The following RBM20 variants were observed in gnomAD, a reference collection of about 807,000 sequenced individuals.
RBM20 encodes RNA binding motif protein 20.
RBM20 carries 51 observed loss-of-function variants against 110.1 expected under a neutral mutation model. The ratio of observed to expected loss-of-function variants is 0.46; its 90% CI spans 0.37 to 0.59. RBM20 has a LOEUF of 0.59. Ranked by LOEUF, RBM20 falls within the 20% of genes least tolerant of loss-of-function variation. RBM20 has a pLI of 0.00. For missense variants in RBM20, 1,512 were observed against 1,574.9 expected, an observed-to-expected ratio of 0.96 and a Z score of 0.68; for synonymous variants, 589 against 618.2, an observed-to-expected ratio of 0.95 and a Z score of 0.70.
At chr10:110,746,140 A>G (rs1843777366) in intron 1 of RBM20, among the ~76,000 whole-genome samples, 1 of 152,170 alleles carries the variant, frequency 6.6e-6, no homozygotes, top group African/African-American at 2.4e-5. Context: ...TTCTCTCTCC[A>G]CTAGAATCTC....
intron 1 of RBM20, among the ~76,000 whole-genome samples, chr10:110,770,079 C>G (rs1431363662): frequency 6.6e-6 from 1 of 152,168 alleles, no homozygotes; most frequent in Non-Finnish European, 1.5e-5. Flanking sequence ...TACAGCGGTT[C>G]TCAAGGTGCA....
intron 1 of RBM20, among the ~76,000 whole-genome samples, chr10:110,740,879 G>T (rs1843718140): frequency 6.6e-6 from 1 of 152,170 alleles, no homozygotes; most frequent in Admixed American, 6.5e-5. Flanking sequence ...GGATCCAGAT[G>T]CTGGATCTCC....
intron 5 of RBM20, among the ~76,000 whole-genome samples, chr10:110,786,503 T>C (rs1844420705): frequency 6.6e-6 from 1 of 152,038 alleles, no homozygotes; most frequent in Non-Finnish European, 1.5e-5. Context: ...TGTTGATCTG[T>C]GATGTTGAAT....
rs534507580 is a variant in RBM20 at position 110,689,269 on chromosome 10, G to A, written c.191+44624G>A. Among the ~76,000 whole-genome samples, 4 of 152,360 alleles carry A rather than the reference G, an allele frequency of 2.6e-5. No individual in the cohort carries two copies. In the South Asian group the frequency reaches 8.3e-4, roughly 32 times the overall value. The stretch of plus-strand genomic sequence containing the variant: ...ACGTGCTGACTGGGGCCTCCCATGA[G>A]TCAGGCTCTGCTGGAGGCCTGGGGA... On this transcript the variant is annotated intron_variant, in intron 1 of 13. Transcript: ENST00000369519.
At position 110,737,034 on chromosome 10, in the gene RBM20, G is replaced by A. The variant is rs183042353; in HGVS notation, c.192-43767G>A. 1.8e-3 allele frequency among the ~76,000 whole-genome samples: 275 copies of A among 151,704 alleles called. 1 individual carries two copies. Among genetic ancestry groups the A allele is most frequent in the African/African-American group, 6.0e-3 (249 of 41,348 alleles). On this transcript the variant is annotated intron_variant, in intron 1 of 13. Coordinates refer to ENST00000369519, the MANE Select transcript of RBM20 (RefSeq NM_001134363.3). ...TACTAAAAATACAAAAAAATTAGCC[G>A]GGCATGGTGTTGCGCGCCTGTAATC...
chr10:110,784,498 C>A, intron 4 of RBM20, 66 bp downstream of exon 4: 2 of 1,182,704 alleles, frequency 1.7e-6, no homozygotes, highest in Admixed American at 2.0e-5. Context: ...ACATTATGTC[C>A]TGTCTTTAAT....
chr10:110,814,976 A>T (rs1292605725), intron 9 of RBM20, among the ~76,000 whole-genome samples: 1 of 152,234 alleles, frequency 6.6e-6, no homozygotes, highest in Non-Finnish European at 1.5e-5. Context: ...TATTCAACTC[A>T]TTAATTAATG....
chr10:110,689,772 T>C (rs909657114), intron 1 of RBM20, among the ~76,000 whole-genome samples: 2 of 152,202 alleles, frequency 1.3e-5, no homozygotes, highest in Non-Finnish European at 2.9e-5. Flanking sequence ...ATAAAGCCTT[T>C]TACAAGTCTA....
intron 5 of RBM20, among the ~76,000 whole-genome samples, chr10:110,790,306 G>T (rs1241291151): frequency 6.6e-6 from 1 of 152,282 alleles, no homozygotes; most frequent in South Asian, 2.1e-4. Flanking sequence ...ACTACCAGCC[G>T]CCTCCCCACC....
rs878854248 is a variant in RBM20, at chr10:110,644,588, C to CGCCGCCGCCCCA, written c.138_149dup (p.Gln49_Pro52dup). 2 of 1,524,332 alleles carry CGCCGCCGCCCCA rather than the reference C, an allele frequency of 1.3e-6. No individual in the cohort carries two copies. The highest frequency in any genetic ancestry group is 2.0e-5 in the Admixed American group (1 of 49,150). 94.4% of individuals were successfully genotyped at this position (1,524,332 alleles called of 1,614,324 possible). ...GGCCCGCGAGGGATGCAGCAGCCGCCGCCGCCGCCCCAGCCACCGCCCCCG... is the reference window on the plus strand; with the variant it reads ...GGCCCGCGAGGGATGCAGCAGCCGCCGCCGCCGCCCCAGCCGCCGCCCCAGCCACCGCCCCCG... On this transcript the variant is annotated inframe_insertion, in exon 1 of 14. Transcript: ENST00000369519. This position sits in a 1 kb window ranked among gnomAD's most constrained non-coding sequence, Gnocchi z 4.3.
At chr10:110,657,759 A>G (rs1434846372) in intron 1 of RBM20, among the ~76,000 whole-genome samples, 2 of 152,214 alleles carry the variant, frequency 1.3e-5, no homozygotes, top group East Asian at 3.8e-4. Context: ...GGTTTTGGCT[A>G]TTACAAATGA....
intron 11 of RBM20, 45 bp from the exon 12 acceptor site, chr10:110,823,435 T>C (rs776511628): frequency 6.0e-5 from 1 of 16,690 alleles, no homozygotes; most frequent in African/African-American, 1.9e-4. Flanking sequence ...GTATTTCTTT[T>C]TTTTTTTTTT....
At chr10:110,748,696 G>A (rs569771770) in intron 1 of RBM20, among the ~76,000 whole-genome samples, 10 of 150,592 alleles carry the variant, frequency 6.6e-5, no homozygotes, top group Admixed American at 2.0e-4. Context: ...TCTCTCTCTC[G>A]CTCTCTGTGT....
chr10:110,736,908 C>T (rs1843676415), intron 1 of RBM20, among the ~76,000 whole-genome samples: 1 of 152,016 alleles, frequency 6.6e-6, no homozygotes, highest in Non-Finnish European at 1.5e-5. Flanking sequence ...GGCGCAGTGG[C>T]TCACAGCTGT....
At chr10:110,696,493 A>G (rs1862665918) in intron 1 of RBM20, among the ~76,000 whole-genome samples, 1 of 152,220 alleles carries the variant, frequency 6.6e-6, no homozygotes, top group South Asian at 2.1e-4. Flanking sequence ...CCTGCACCAC[A>G]GTGAGCAGTG....
chr10:110,667,706 C>G lies in RBM20; in HGVS notation c.191+23061C>G, dbSNP rs533632421. 4.2e-4 allele frequency among the ~76,000 whole-genome samples: 64 copies of G among 152,270 alleles called. No homozygotes were observed. In the South Asian group the frequency reaches 0.013, roughly 30 times the overall value. The stretch of plus-strand genomic sequence containing the variant: ...CTGGCAGTGTCGATCTTTTCATTAG[C>G]CCTTTAAGAATGACTGGCAAATGCA... On this transcript the variant is annotated intron_variant, in intron 1 of 13. Coordinates refer to ENST00000369519, the MANE Select transcript of RBM20 (RefSeq NM_001134363.3).
chr10:110,835,601 C>T (rs1287061694), intron 13 of RBM20: 1 of 227,902 alleles, frequency 4.4e-6, no homozygotes, highest in Non-Finnish European at 8.6e-6. Flanking sequence ...CTCCCAAGTG[C>T]TGGGATTACA....
chr10:110,771,558 A>G (rs916741833), intron 1 of RBM20, among the ~76,000 whole-genome samples: 1 of 152,252 alleles, frequency 6.6e-6, no homozygotes, highest in African/African-American at 2.4e-5. Context: ...CAAGTGCTTC[A>G]GTAGACAATT....
At chr10:110,737,191 A>AAAAAAAAAAAAAAAAAAAAAAAAAAAAAC (rs1564830214) in intron 1 of RBM20, among the ~76,000 whole-genome samples, 1 of 143,874 alleles carries the variant, frequency 7.0e-6, no homozygotes, top group Non-Finnish European at 1.5e-5. Context: ...AAAAAAAAAA[A>AAAAAAAAAAAAAAAAAAAAAAAAAAAAAC]AAAAAACACC....
Sources: allele counts gnomAD v4.1 joint callset (sites outside exome capture counted in the v4.1 genomes callset), GRCh38; gene constraint gnomAD v4.1.1; non-coding constraint Gnocchi (gnomAD v3.1); transcripts MANE v1.5; gene names NCBI Gene and HGNC (gene_info 2026-07-23, HGNC 2026-07-21).